The following RBFOX1 variants were observed in gnomAD, a reference collection of about 807,000 sequenced individuals.
RBFOX1 encodes RNA binding fox-1 homolog 1, also known as RNA binding protein fox-1 homolog 1.
In RBFOX1, 8 loss-of-function variants were observed where a neutral mutation model predicts 57.7. The ratio of observed to expected loss-of-function variants is 0.14; its 90% CI spans 0.08 to 0.25. The LOEUF (loss-of-function observed/expected upper bound fraction) is 0.25, where lower values mean the gene tolerates loss of function less well. Ranked by LOEUF, RBFOX1 falls within the 10% of genes least tolerant of loss-of-function variation. RBFOX1 has a pLI of 1.00. For synonymous variants in RBFOX1, 326 were observed against 222.4 expected, an observed-to-expected ratio of 1.47 and a Z score of -4.15; for missense variants, 611 against 548.5, an observed-to-expected ratio of 1.11 and a Z score of -1.14.
At chr16:5,480,660 G>A (rs1467530656) in intron 2 of RBFOX1, among the ~76,000 whole-genome samples, 5 of 152,140 alleles carry the variant, frequency 3.3e-5, no homozygotes, top group Admixed American at 2.6e-4. Flanking sequence ...GTGTGCACAT[G>A]TAGCCTTGAA....
chr16:6,604,874 G>T (rs572788239), intron 2 of RBFOX1, among the ~76,000 whole-genome samples: 2 of 152,064 alleles, frequency 1.3e-5, no homozygotes, highest in East Asian at 3.9e-4. Context: ...GGTGGCACAC[G>T]CCTGTAATCT....
chr16:6,801,199 CAA>C (rs200091675), intron 3 of RBFOX1, among the ~76,000 whole-genome samples: 4,671 of 91,528 alleles, frequency 0.051, 164 homozygotes, highest in South Asian at 0.22. Context: ...ATTGAACATG[CAA>C]AAAAAAAAAA....
chr16:5,660,225 G>T (rs144379250), intron 3 of RBFOX1, among the ~76,000 whole-genome samples: 1 of 152,138 alleles, frequency 6.6e-6, no homozygotes, highest in Non-Finnish European at 1.5e-5. Context: ...TTGAGTGTCT[G>T]GTATTAAATG....
chr16:5,341,154 G>C (rs1004584051), intron 1 of RBFOX1, among the ~76,000 whole-genome samples: 10 of 152,158 alleles, frequency 6.6e-5, no homozygotes, highest in South Asian at 2.1e-4. Flanking sequence ...GATGAGTAAG[G>C]GGGGAGTAGG....
intron 4 of RBFOX1, among the ~76,000 whole-genome samples, chr16:7,506,967 A>G (rs994484884): frequency 1.3e-5 from 2 of 152,202 alleles, no homozygotes; most frequent in African/African-American, 4.8e-5. Context: ...GACTTTCTAG[A>G]TTATAAAATA....
intron 3 of RBFOX1, among the ~76,000 whole-genome samples, chr16:5,808,663 T>G (rs111551099): frequency 0.078 from 11,938 of 152,212 alleles, 1,566 homozygotes; most frequent in African/African-American, 0.27. Flanking sequence ...TCCTAGGTAT[T>G]TTATTCTCTT....
intron 4 of RBFOX1, among the ~76,000 whole-genome samples, chr16:7,335,134 G>A (rs750588635): frequency 6.6e-6 from 1 of 152,156 alleles, no homozygotes; most frequent in South Asian, 2.1e-4. Flanking sequence ...GGGAGAAAGG[G>A]CAGTGCAAAG....
intron 2 of RBFOX1, among the ~76,000 whole-genome samples, chr16:6,472,364 G>A (rs1404963008): frequency 1.3e-5 from 2 of 152,168 alleles, no homozygotes; most frequent in Non-Finnish European, 2.9e-5. Flanking sequence ...CTAGAAGATG[G>A]CTTCCTTCCC....
chr16:5,646,572 C>T (rs558496896), intron 3 of RBFOX1, among the ~76,000 whole-genome samples: 3 of 152,066 alleles, frequency 2.0e-5, no homozygotes, highest in East Asian at 1.9e-4. Flanking sequence ...GTCAGAGGGT[C>T]GCAGTGTGCA....
chr16:7,160,846 T>G (rs981352420), intron 4 of RBFOX1, among the ~76,000 whole-genome samples: 2 of 147,304 alleles, frequency 1.4e-5, no homozygotes, highest in Non-Finnish European at 3.0e-5. Context: ...TTCCTCCTCC[T>G]CCTCCTCCTC....
chr16:5,757,201 G>A (rs1317120101), intron 3 of RBFOX1, among the ~76,000 whole-genome samples: 12 of 151,484 alleles, frequency 7.9e-5, no homozygotes, highest in African/African-American at 2.4e-4. Flanking sequence ...AGAGCGTGGC[G>A]GGGAAGGTTT....
chr16:5,921,705 G>C (rs189560602), intron 4 of RBFOX1, among the ~76,000 whole-genome samples: 57 of 152,304 alleles, frequency 3.7e-4, no homozygotes, highest in African/African-American at 1.3e-3. Flanking sequence ...TGGTTCTGCA[G>C]GCTGTACAGG....
At chr16:7,084,115 AGACCT>A (rs2059618255) in intron 4 of RBFOX1, among the ~76,000 whole-genome samples, 2 of 152,328 alleles carry the variant, frequency 1.3e-5, no homozygotes, top group African/African-American at 4.8e-5. Context: ...TGTGTGGGAC[AGACCT>A]GGTATAATAC....
chr16:7,350,770 A>G (rs2097114491), intron 4 of RBFOX1, among the ~76,000 whole-genome samples: 1 of 152,188 alleles, frequency 6.6e-6, no homozygotes, highest in Admixed American at 6.5e-5. Flanking sequence ...GTGGGGTAAC[A>G]GAAAAATCAC....
chr16:6,266,552 A>G (rs1366763396), intron 1 of RBFOX1, among the ~76,000 whole-genome samples: 1 of 152,032 alleles, frequency 6.6e-6, no homozygotes, highest in Non-Finnish European at 1.5e-5. Flanking sequence ...CATCTCTACT[A>G]AAGATACAAA....
intron 4 of RBFOX1, among the ~76,000 whole-genome samples, chr16:7,218,075 GCGTC>G (rs201353281): frequency 1.8e-5 from 2 of 111,768 alleles, no homozygotes; most frequent in Non-Finnish European, 1.7e-5. Context: ...GTGTGTGTGT[GCGTC>G]TGTGTGTGTG....
At chr16:6,405,755 A>T (rs1302776853) in intron 2 of RBFOX1, among the ~76,000 whole-genome samples, 3 of 152,246 alleles carry the variant, frequency 2.0e-5, no homozygotes, top group African/African-American at 7.2e-5. Flanking sequence ...TTTGGGAACT[A>T]GCCACTTTAC....
intron 4 of RBFOX1, among the ~76,000 whole-genome samples, chr16:7,144,417 C>CTTCTTTTTTTTTTTTTTTTT (rs3046798): frequency 1.8e-4 from 12 of 66,926 alleles, no homozygotes; most frequent in African/African-American, 6.7e-4. Context: ...TTTCTTTCTT[C>CTTCTTTTTTTTTTTTTTTTT]TTTTTTTTTT....
At chr16:7,404,643 G>T (rs929211980) in intron 4 of RBFOX1, among the ~76,000 whole-genome samples, 2 of 152,188 alleles carry the variant, frequency 1.3e-5, no homozygotes, top group Non-Finnish European at 2.9e-5. Context: ...CAGTCATGCT[G>T]TGCTGCCAGC....
Sources: allele counts gnomAD v4.1 joint callset (sites outside exome capture counted in the v4.1 genomes callset), GRCh38; gene constraint gnomAD v4.1.1; transcripts MANE v1.5; gene names NCBI Gene and HGNC (gene_info 2026-07-23, HGNC 2026-07-21).